FGD4: variants seen among roughly 807,000 people sequenced by gnomAD.
FGD4 encodes the protein FYVE, RhoGEF and PH domain-containing protein 4.
In FGD4, 42 loss-of-function variants were observed where a neutral mutation model predicts 102.0. That is an observed-to-expected ratio of 0.41 (90% CI 0.32 to 0.53). The LOEUF (loss-of-function observed/expected upper bound fraction) is 0.53, where lower values mean the gene tolerates loss of function less well. Ranked by LOEUF, FGD4 falls within the 20% of genes least tolerant of loss-of-function variation. FGD4 has a pLI of 0.21. For missense variants in FGD4, 902 were observed against 1,078.2 expected, an observed-to-expected ratio of 0.84 and a Z score of 2.29; for synonymous variants, 380 against 375.7, an observed-to-expected ratio of 1.01 and a Z score of -0.13.
chr12:32,444,360 T>G (rs752207406), intron 1 of FGD4, among the ~76,000 whole-genome samples: 11 of 152,164 alleles, frequency 7.2e-5, no homozygotes, highest in Non-Finnish European at 1.5e-4. Flanking sequence ...TTTGACTTGT[T>G]TTAATGCAGT....
intron 1 of FGD4, among the ~76,000 whole-genome samples, chr12:32,519,589 G>A (rs532797251): frequency 1.3e-5 from 2 of 151,672 alleles, no homozygotes; most frequent in South Asian, 4.2e-4. Flanking sequence ...CCAGGAGTTT[G>A]AGACCAGCCT....
chr12:32,402,117 ATTT>A (rs56852726), intron 1 of FGD4, among the ~76,000 whole-genome samples: 1 of 105,204 alleles, frequency 9.5e-6, no homozygotes. Context: ...TTGGCCAGGC[ATTT>A]TTTTTTTTTT....
chr12:32,541,455 C>G (rs1046751784), intron 1 of FGD4, among the ~76,000 whole-genome samples: 1 of 152,174 alleles, frequency 6.6e-6, no homozygotes, highest in Admixed American at 6.5e-5. Context: ...CAACCTCTGC[C>G]TCCGGGTTCA....
At chr12:32,483,495 T>C (rs10844216) in intron 1 of FGD4, among the ~76,000 whole-genome samples, 48,843 of 152,036 alleles carry the variant, frequency 0.32, 7,995 homozygotes, top group East Asian at 0.45. Flanking sequence ...ATATAACTTT[T>C]CTTTTTCTTT....
intron 1 of FGD4, among the ~76,000 whole-genome samples, chr12:32,404,044 C>T (rs1196560579): frequency 1.3e-5 from 2 of 151,620 alleles, no homozygotes; most frequent in East Asian, 3.9e-4. Context: ...TCTTGGGCAG[C>T]ATGGTCTTAC....
chr12:32,600,509 G>A, intron 5 of FGD4: 1 of 1,233,812 alleles, frequency 8.1e-7, no homozygotes, highest in Non-Finnish European at 1.0e-6. Context: ...GCAATTAAGA[G>A]GTATAGTAGC....
At chr12:32,432,992 T>A (rs534497969) in intron 1 of FGD4, among the ~76,000 whole-genome samples, 5 of 152,196 alleles carry the variant, frequency 3.3e-5, no homozygotes, top group South Asian at 2.1e-4. Context: ...TTTTCTGGAA[T>A]AAGATTTTTT....
At chr12:32,564,040 GGAGGGA>G (rs1161324219) in intron 1 of FGD4, 91 bp from the exon 2 acceptor site, 3 of 1,103,908 alleles carry the variant, frequency 2.7e-6, no homozygotes, top group Non-Finnish European at 3.7e-6. Flanking sequence ...AGGGGGAGGG[GGAGGGA>G]GAGGGAGTGG....
chr12:32,590,373 C>T (rs1382598561), intron 4 of FGD4, among the ~76,000 whole-genome samples: 3 of 150,554 alleles, frequency 2.0e-5, no homozygotes, highest in Non-Finnish European at 4.4e-5. Context: ...TGTTCTCTCT[C>T]TCTCTCTCTT....
chr12:32,426,655 G>T (rs922419085), intron 1 of FGD4, among the ~76,000 whole-genome samples: 3 of 152,130 alleles, frequency 2.0e-5, no homozygotes, highest in African/African-American at 7.2e-5. Context: ...GCTCCTCTTT[G>T]TACCTCTGGT....
chr12:32,636,864 AT>A (rs1287755500), intron 15 of FGD4, among the ~76,000 whole-genome samples: 7 of 145,186 alleles, frequency 4.8e-5, no homozygotes, highest in African/African-American at 1.0e-4. Context: ...TTTTTTCAGT[AT>A]TTTTTTTCTT....
At chr12:32,471,077 G>A (rs972670309) in intron 1 of FGD4, among the ~76,000 whole-genome samples, 9 of 152,100 alleles carry the variant, frequency 5.9e-5, no homozygotes, top group Admixed American at 2.6e-4. Flanking sequence ...CCTGTCCTTG[G>A]ACATCGGAAC....
intron 1 of FGD4, among the ~76,000 whole-genome samples, chr12:32,553,216 A>G (rs1943845601): frequency 6.6e-6 from 1 of 152,160 alleles, no homozygotes. Flanking sequence ...GTAGCAATAC[A>G]CAGTCTTCTT....
intron 1 of FGD4, among the ~76,000 whole-genome samples, chr12:32,516,848 G>A (rs1252314316): frequency 3.3e-5 from 5 of 152,108 alleles, no homozygotes; most frequent in African/African-American, 7.2e-5. Context: ...ATTTAAATGA[G>A]GAAAAGAATG....
chr12:32,566,394 A>G (rs974668998), intron 2 of FGD4, among the ~76,000 whole-genome samples: 4 of 151,726 alleles, frequency 2.6e-5, no homozygotes, highest in African/African-American at 9.7e-5. Context: ...AGACCACAGC[A>G]CTCCGTATGA....
At chr12:32,581,229 G>C (rs74793853) in intron 3 of FGD4, among the ~76,000 whole-genome samples, 12 of 152,312 alleles carry the variant, frequency 7.9e-5, no homozygotes, top group Non-Finnish European at 1.6e-4. Flanking sequence ...AGTATGGCAA[G>C]AACACAGTGA....
chr12:32,590,812 C>T (rs960685262), intron 4 of FGD4, among the ~76,000 whole-genome samples: 1 of 152,216 alleles, frequency 6.6e-6, no homozygotes, highest in Non-Finnish European at 1.5e-5. Flanking sequence ...CACCATCTCT[C>T]ACTTGTGATA....
intron 5 of FGD4, among the ~76,000 whole-genome samples, chr12:32,599,236 T>C (rs1948152961): frequency 6.6e-6 from 1 of 151,710 alleles, no homozygotes; most frequent in Non-Finnish European, 1.5e-5. Context: ...GGCTCACGCC[T>C]GTAATCCCAG....
chr12:32,607,826 T>A (rs1948880130), intron 7 of FGD4, 131 bp from the exon 8 acceptor site: 2 of 948,722 alleles, frequency 2.1e-6, no homozygotes, highest in Admixed American at 3.9e-5. Flanking sequence ...AAATCTGCAT[T>A]TCATGCAGGT....
Sources: gnomAD v4.1 joint callset for allele counts (sites outside exome capture counted in the v4.1 genomes callset) on GRCh38, gnomAD v4.1.1 for gene constraint, MANE v1.5 for transcripts, NCBI Gene and HGNC (gene_info 2026-07-23, HGNC 2026-07-21) for gene names.